The following KIF15 variants were observed in gnomAD, a reference collection of about 807,000 sequenced individuals.
KIF15 encodes kinesin family member 15.
In KIF15, 140 loss-of-function variants were observed where a neutral mutation model predicts 190.6. The ratio of observed to expected loss-of-function variants is 0.73; its 90% CI spans 0.64 to 0.84. The LOEUF is 0.84. Ranked by LOEUF, KIF15 falls within the 40% of genes least tolerant of loss-of-function variation. KIF15 has a pLI of 0.00. For synonymous variants in KIF15, 528 were observed against 551.3 expected, an observed-to-expected ratio of 0.96 and a Z score of 0.59; for missense variants, 1,372 against 1,584.4, an observed-to-expected ratio of 0.87 and a Z score of 2.28.
chr3:44,861,855 C>A, intron 6 of KIF15: 1 of 1,443,210 alleles, frequency 6.9e-7, no homozygotes. Flanking sequence ...TCACGTGAGG[C>A]TGCCATCCAA....
At chr3:44,809,115 C>G (rs1258003327) in intron 16 of KIF15, among the ~76,000 whole-genome samples, 1 of 152,218 alleles carries the variant, frequency 6.6e-6, no homozygotes, top group African/African-American at 2.4e-5. Flanking sequence ...TTTCCCAGCA[C>G]TGTCCGCAGG....
downstream of KIF15, among the ~76,000 whole-genome samples, chr3:44,854,194 G>T (rs1256880884): frequency 6.6e-6 from 1 of 152,088 alleles, no homozygotes; most frequent in African/African-American, 2.4e-5. Flanking sequence ...ATACCAGCCT[G>T]GCCAACATGG....
Position 44,805,996 on chromosome 3 carries a change from C to G in KIF15, c.1971+10C>G, listed in dbSNP as rs779463559. The G allele has an allele frequency of 1.2e-6, 2 of 1,611,916 alleles. No individual in the cohort carries two copies. Among genetic ancestry groups the G allele is most frequent in the East Asian group, 4.5e-5 (2 of 44,852 alleles). ...TGCTGAAACACTTAAGGTAGGTCAT[C>G]TGAACAATACCTCCACCTTAAATCA... is the stretch of plus-strand genomic sequence containing the variant. On this transcript the variant is annotated intron_variant, in intron 16 of 34. Transcript: ENST00000326047.
At chr3:44,860,455 C>T (rs1022535665) in intron 6 of KIF15, among the ~76,000 whole-genome samples, 5 of 152,274 alleles carry the variant, frequency 3.3e-5, no homozygotes, top group African/African-American at 7.2e-5. Flanking sequence ...ACTGCAACCT[C>T]TGCCTCCTGG....
intron 8 of KIF15, among the ~76,000 whole-genome samples, chr3:44,795,499 T>G (rs1483890607): frequency 2.6e-5 from 4 of 152,188 alleles, no homozygotes; most frequent in Non-Finnish European, 4.4e-5. Context: ...AAAGCCTGTT[T>G]TATAGAAACT....
In KIF15 at chr3:44,805,852, C is replaced by A; in HGVS notation, c.1837C>A (p.Gln613Lys). Residue 613 changes from glutamine (Q) to lysine (K), a missense_variant, in exon 16 of 35, where the codon CAG becomes AAG. Gln to Lys is a moderately conservative substitution (Grantham distance 53, BLOSUM62 1). Transcript: ENST00000326047. ...EEFKELTRKR[Q>K]LELESELQSL... is the part of the protein sequence containing the mutation. ...TTTTACAATATCTATTAGGAAAAGG[C>A]AGCTAGAATTGGAATCAGAGCTTCA... 1 of 1,612,414 alleles carries A rather than the reference C, an allele frequency of 6.2e-7. No individual in the cohort carries two copies. Among genetic ancestry groups the A allele is most frequent in the African/African-American group, 1.3e-5 (1 of 74,868 alleles).
intron 16 of KIF15, among the ~76,000 whole-genome samples, chr3:44,807,269 G>T (rs936036002): frequency 6.6e-6 from 1 of 151,462 alleles, no homozygotes; most frequent in Non-Finnish European, 1.5e-5. Context: ...TTGTTGCCCA[G>T]GTTGGAGTGC....
intron 8 of KIF15, among the ~76,000 whole-genome samples, chr3:44,795,870 A>G (rs1257713753): frequency 6.6e-6 from 1 of 151,816 alleles, no homozygotes; most frequent in Non-Finnish European, 1.5e-5. Flanking sequence ...TGAAGCTCAT[A>G]TTTTTTTGTT....
At position 44,786,481 on chromosome 3, in the gene KIF15, G is replaced by T. The variant is rs142783665; in HGVS notation, c.546G>T (p.Ser182=). 7 of 1,613,768 alleles carry T rather than the reference G, an allele frequency of 4.3e-6. No individual in the cohort carries two copies. The highest frequency in any genetic ancestry group is 5.9e-6 in the Non-Finnish European group (7 of 1,179,870). Residue 182 remains serine, a synonymous_variant, in exon 7 of 35, where the codon TCG becomes TCT. Coordinates refer to ENST00000326047, the MANE Select transcript of KIF15 (RefSeq NM_020242.3). The part of the protein sequence containing the change: ...EQIYDLLDSA[S]AGLYLREHIK... ...TATATGATCTACTGGACTCTGCATC[G>T]GCTGGACTGTACTTAAGGGAGCATA...
chr3:44,855,966 C>T (rs907053383), downstream of KIF15, among the ~76,000 whole-genome samples: 5 of 151,816 alleles, frequency 3.3e-5, no homozygotes, highest in Non-Finnish European at 5.9e-5. Context: ...TTTAAAAGAC[C>T]ATTAGTCCGT....
chr3:44,866,872 C>T (rs1213144367), intron 6 of KIF15, among the ~76,000 whole-genome samples: 1 of 152,202 alleles, frequency 6.6e-6, no homozygotes, highest in East Asian at 1.9e-4. Context: ...TCCACCATGT[C>T]CAGTCCTGCC....
At chr3:44,804,152 T>G (rs1487898471) in intron 14 of KIF15, among the ~76,000 whole-genome samples, 1 of 152,066 alleles carries the variant, frequency 6.6e-6, no homozygotes, top group East Asian at 1.9e-4. Context: ...CTGACTTAGG[T>G]TTTCTGTTTT....
chr3:44,800,167 T>A (rs774596554), intron 10 of KIF15, 147 bp from the exon 11 acceptor site: 24 of 689,262 alleles, frequency 3.5e-5, no homozygotes, highest in Non-Finnish European at 5.0e-5. Context: ...TTGAGCACAC[T>A]GTGATTCCTG....
chr3:44,770,183 A>C (rs1385968379), intron 1 of KIF15, among the ~76,000 whole-genome samples: 2 of 152,330 alleles, frequency 1.3e-5, no homozygotes, highest in South Asian at 4.1e-4. Context: ...AACATAATTT[A>C]TCTCTCTCCA....
In KIF15 at chr3:44,861,814, T is replaced by C. The variant is rs1335877779; in HGVS notation, c.*59+9020T>C. 3.2e-6 allele frequency: 4 copies of C among 1,253,806 alleles called. No homozygotes were observed. The African/African-American group carries it at 4.7e-5, about 15-fold the overall frequency. The allele number at this position is 1,253,806 out of a possible 1,614,324, so 77.7% of individuals were successfully genotyped here. A position where few individuals can be genotyped will look rare whatever the true frequency, so the allele number is the denominator to read the frequency against. The stretch of plus-strand genomic sequence containing the variant: ...GCCGGAGAGCGATTCCCAAGGGGCC[T>C]GCCGGAGCGTGGCGTCACAGGAGCG... On this transcript the variant is annotated intron_variant and NMD_transcript_variant, in intron 6 of 6. Transcript: ENST00000422209.
intron 24 of KIF15, among the ~76,000 whole-genome samples, 171 bp from the exon 25 acceptor site, chr3:44,829,795 TATATA>T (rs1305303669): frequency 6.9e-6 from 1 of 144,156 alleles, no homozygotes; most frequent in Non-Finnish European, 1.5e-5. Context: ...AATATATGCA[TATATA>T]ATATATGTAT....
Position 44,812,231 on chromosome 3 carries a change from A to G in KIF15, c.2219A>G (p.Asn740Ser). 2.5e-6 allele frequency: 4 copies of G among 1,614,114 alleles called. No homozygotes were observed. The highest frequency in any genetic ancestry group is 3.4e-6 in the Non-Finnish European group (4 of 1,180,024). ...QAKLDEEEHK[N>S]LKLQQHVDKL... is the part of the protein sequence containing the mutation. ...AAACTGGATGAAGAAGAGCATAAAA[A>G]CCTAAAGCTTCAGCAGCATGTTGAC... Residue 740 changes from asparagine (N) to serine (S), a missense_variant, in exon 18 of 35, where the codon AAC becomes AGC. Coordinates refer to ENST00000326047, the MANE Select transcript of KIF15 (RefSeq NM_020242.3).
At position 44,838,330 on chromosome 3, in the gene KIF15, C is replaced by T; in HGVS notation, c.3227C>T (p.Thr1076Ile). The T allele has an allele frequency of 1.2e-6, 2 of 1,614,054 alleles. No homozygotes were observed. Among genetic ancestry groups the T allele is most frequent in the Non-Finnish European group, 1.7e-6 (2 of 1,179,982 alleles). Residue 1076 changes from threonine to isoleucine, a missense_variant, in exon 27 of 35, where the codon ACA becomes ATA. Coordinates refer to ENST00000326047, the MANE Select transcript of KIF15 (RefSeq NM_020242.3). Reference protein sequence around the residue: ...AHATEQLNMLTEASKKHSGLL... With the variant: ...AHATEQLNMLIEASKKHSGLL... The stretch of plus-strand genomic sequence containing the variant: ...GCCACTGAGCAGCTGAACATGCTCA[C>T]AGAGGCCTCAAAAAAACACTCGGGG...
intron 1 of KIF15, among the ~76,000 whole-genome samples, chr3:44,770,897 G>A (rs1705613797): frequency 6.6e-6 from 1 of 152,184 alleles, no homozygotes; most frequent in Admixed American, 6.5e-5. Flanking sequence ...AATGGTCCAA[G>A]CGAAAGTCAA....
Sources: allele counts gnomAD v4.1 joint callset (sites outside exome capture counted in the v4.1 genomes callset), GRCh38; gene constraint gnomAD v4.1.1; transcripts MANE v1.5; gene names NCBI Gene and HGNC (gene_info 2026-07-23, HGNC 2026-07-21).